The following SLC6A2 variants were observed in gnomAD, a reference collection of about 807,000 sequenced individuals.
SLC6A2 encodes solute carrier family 6 member 2, also known as sodium-dependent noradrenaline transporter.
Under a neutral mutation model 71.7 loss-of-function variants are expected in SLC6A2, and 26 were observed. The ratio of observed to expected loss-of-function variants is 0.36; its 90% CI spans 0.27 to 0.50. The LOEUF is 0.50. Ranked by LOEUF, SLC6A2 falls within the 20% of genes least tolerant of loss-of-function variation. The pLI, the probability that SLC6A2 is intolerant of heterozygous loss-of-function variation, is 0.96. For synonymous variants in SLC6A2, 363 were observed against 337.9 expected (o/e 1.07, Z -0.82); for missense variants, 581 against 803.9 (o/e 0.72, Z 3.35).
At position 55,672,188 on chromosome 16, in the gene SLC6A2, C is replaced by A. The variant is rs751162782; in HGVS notation, c.644+13C>A. 3.7e-6 allele frequency: 6 copies of A among 1,614,164 alleles called. No homozygotes were observed. The highest frequency in any genetic ancestry group is 5.1e-6 in the Non-Finnish European group (6 of 1,180,026). ...CCGAGTTTTATGAGTAAGTCACAGA[C>A]CCCTTGTGCTGGGCCTGTTGAGGCC... On this transcript the variant is annotated intron_variant, in intron 4 of 14. Transcript: ENST00000568943.
intron 2 of SLC6A2, among the ~76,000 whole-genome samples, chr16:55,664,258 C>T (rs1964688106): frequency 6.6e-6 from 1 of 152,170 alleles, no homozygotes; most frequent in African/African-American, 2.4e-5. Context: ...TGCATGCATC[C>T]CCCTCCCACT....
At chr16:55,679,593 T>C (rs1020540667) in intron 4 of SLC6A2, among the ~76,000 whole-genome samples, 1 of 152,168 alleles carries the variant, frequency 6.6e-6, no homozygotes, top group Admixed American at 6.5e-5. Flanking sequence ...CTCTCTCTCT[T>C]AGGACATAGC....
At chr16:55,667,961 C>G (rs1312306817) in intron 2 of SLC6A2, among the ~76,000 whole-genome samples, 1 of 152,214 alleles carries the variant, frequency 6.6e-6, no homozygotes, top group East Asian at 1.9e-4. Flanking sequence ...GTTTCCTCAT[C>G]TGAAAAATGG....
At chr16:55,691,793 G>A (rs1318466870) in intron 5 of SLC6A2, 125 bp from the exon 6 acceptor site, 1 of 1,121,216 alleles carries the variant, frequency 8.9e-7, no homozygotes, top group Non-Finnish European at 1.3e-6. Context: ...TGTAGCATGT[G>A]CTTTGGGTAA....
At chr16:55,693,745 C>A (rs1204556669) in intron 6 of SLC6A2, among the ~76,000 whole-genome samples, 1 of 152,208 alleles carries the variant, frequency 6.6e-6, no homozygotes, top group Non-Finnish European at 1.5e-5. Flanking sequence ...AAAATCAGGG[C>A]ATGAAATTGA....
intron 4 of SLC6A2, among the ~76,000 whole-genome samples, chr16:55,682,878 T>C (rs757528188): frequency 1.1e-4 from 17 of 152,136 alleles, no homozygotes; most frequent in Non-Finnish European, 2.1e-4. Context: ...CCTCCCAACA[T>C]GTGTCATGCT....
chr16:55,674,811 A>G (rs1965034003), intron 4 of SLC6A2, among the ~76,000 whole-genome samples: 1 of 152,176 alleles, frequency 6.6e-6, no homozygotes, highest in Non-Finnish European at 1.5e-5. Flanking sequence ...TGCAATGAAC[A>G]TCCACGCGCA....
At chr16:55,694,823 T>G (rs1211114287) in intron 7 of SLC6A2, among the ~76,000 whole-genome samples, 1 of 152,178 alleles carries the variant, frequency 6.6e-6, no homozygotes, top group African/African-American at 2.4e-5. Context: ...TGGAGTGGAC[T>G]GCATGCACTG....
rs1215060829 is a variant in SLC6A2 at position 55,685,138 on chromosome 16, G to A, written c.645-5G>A. ...CCCTGGTCCCCTCCCCTCTCCTCTG[G>A]GCAGGCGTGGTGTCCTGCACCTTCA... On this transcript the variant is annotated splice_polypyrimidine_tract_variant and splice_region_variant and intron_variant, in intron 4 of 14. Transcript: ENST00000568943. 2.5e-6 allele frequency: 4 copies of A among 1,614,020 alleles called. No individual in the cohort carries two copies. In the East Asian group the frequency reaches 8.9e-5, roughly 36 times the overall value.
chr16:55,687,991 T>A (rs559247722), intron 5 of SLC6A2, among the ~76,000 whole-genome samples: 43 of 152,342 alleles, frequency 2.8e-4, no homozygotes, highest in African/African-American at 1.0e-3. Context: ...CCCCTCTGCA[T>A]GTGTCATCCG....
chr16:55,705,339 C>A lies in SLC6A2; in HGVS notation c.*2993C>A. On this transcript the variant is annotated 3_prime_UTR_variant, in exon 15 of 15. Coordinates refer to ENST00000568943, the MANE Select transcript of SLC6A2 (RefSeq NM_001172501.3). Reference sequence around the variant, plus strand: ...CCGCTCAGCTGGGAGCCAGTTCCTGCTATATGATCTGTTTTCTAGCCTCGC... The same window carrying A: ...CCGCTCAGCTGGGAGCCAGTTCCTGATATATGATCTGTTTTCTAGCCTCGC... The A allele has an allele frequency of 9.1e-7, 1 of 1,097,102 alleles. No homozygotes were observed. The highest frequency in any genetic ancestry group is 1.3e-6 in the Non-Finnish European group (1 of 760,972). The allele number at this position is 1,097,102 out of a possible 1,614,324, so 68.0% of individuals were successfully genotyped here.
At chr16:55,682,485 G>A (rs1965304737) in intron 4 of SLC6A2, among the ~76,000 whole-genome samples, 1 of 152,166 alleles carries the variant, frequency 6.6e-6, no homozygotes, top group South Asian at 2.1e-4. Flanking sequence ...GTTGGGTTTA[G>A]CAAGAAAGGC....
rs908834362 is a variant in SLC6A2 at position 55,704,054 on chromosome 16, T to G, written c.*1708T>G. 9.2e-5 allele frequency: 14 copies of G among 152,552 alleles called. No homozygotes were observed. The highest frequency in any genetic ancestry group is 3.4e-4 in the African/African-American group (14 of 41,456). The allele number at this position is 152,552 out of a possible 1,614,324, so 9.4% of individuals were successfully genotyped here. A position where few individuals can be genotyped will look rare whatever the true frequency, so the allele number is the denominator to read the frequency against. Reference sequence around the variant, plus strand: ...TTGGAGCCCTGTGAACAGTGAGGCTTAAGAATGGAGAACAATCAGGTCGGG... The same window carrying G: ...TTGGAGCCCTGTGAACAGTGAGGCTGAAGAATGGAGAACAATCAGGTCGGG... On this transcript the variant is annotated 3_prime_UTR_variant, in exon 15 of 15. Transcript: ENST00000568943.
intron 13 of SLC6A2, 62 bp downstream of exon 13, chr16:55,700,368 ACT>A: frequency 3.5e-6 from 5 of 1,432,492 alleles, no homozygotes; most frequent in Non-Finnish European, 4.8e-6. Context: ...AGACGGGACG[ACT>A]CTCATTCCTG....
At chr16:55,694,775 G>A (rs556995060) in intron 7 of SLC6A2, among the ~76,000 whole-genome samples, 1 of 152,302 alleles carries the variant, frequency 6.6e-6, no homozygotes, top group South Asian at 2.1e-4. Flanking sequence ...AATTTGAGAT[G>A]AGCCTTGGAG....
rs2142652640 is a variant in SLC6A2, at chr16:55,705,117, T to C, written c.*2771T>C. On this transcript the variant is annotated 3_prime_UTR_variant, in exon 15 of 15. Transcript: ENST00000568943. ...ATTTTTTCAGGTTTTTAAAGAATTA[T>C]TATTTTTCATGAAATGTAAAATATC... 1 of 972,952 alleles carries C rather than the reference T, an allele frequency of 1.0e-6. No homozygotes were observed. The highest frequency in any genetic ancestry group is 1.6e-6 in the Non-Finnish European group (1 of 636,010). The allele number at this position is 972,952 out of a possible 1,614,324, so 60.3% of individuals were successfully genotyped here. A position where few individuals can be genotyped will look rare whatever the true frequency, so the allele number is the denominator to read the frequency against.
At chr16:55,681,293 G>A (rs545072224) in intron 4 of SLC6A2, among the ~76,000 whole-genome samples, 2 of 152,280 alleles carry the variant, frequency 1.3e-5, no homozygotes, top group South Asian at 2.1e-4. Context: ...ATGCTTACAC[G>A]CACTACTGTC....
intron 13 of SLC6A2, 73 bp from the exon 14 acceptor site, chr16:55,701,789 TG>T: frequency 9.0e-7 from 1 of 1,117,036 alleles, no homozygotes; most frequent in Non-Finnish European, 1.4e-6. Flanking sequence ...GGCCCTCATC[TG>T]GGGGTGCAGC....
chr16:55,670,171 G>A (rs748948283), intron 3 of SLC6A2, among the ~76,000 whole-genome samples: 7 of 152,178 alleles, frequency 4.6e-5, no homozygotes, highest in Non-Finnish European at 1.0e-4. Context: ...GAACACATCT[G>A]CAGAAAGTAG....
Sources: allele counts gnomAD v4.1 joint callset (sites outside exome capture counted in the v4.1 genomes callset), GRCh38; gene constraint gnomAD v4.1.1; transcripts MANE v1.5; gene names NCBI Gene and HGNC (gene_info 2026-07-23, HGNC 2026-07-21).